Variants in VPS37A observed in about 807,000 individuals in gnomAD.
VPS37A encodes the protein VPS37A subunit of ESCRT-I, also known as vacuolar protein sorting-associated protein 37A.
Under a neutral mutation model 49.8 loss-of-function variants are expected in VPS37A, and 30 were observed. That is an observed-to-expected ratio of 0.60 (90% CI 0.45 to 0.82). The LOEUF is 0.82. VPS37A is among the 40% of genes least tolerant of loss of function. VPS37A has a pLI of 0.00. For synonymous variants in VPS37A, 195 were observed against 160.6 expected, an observed-to-expected ratio of 1.21 and a Z score of -1.62; for missense variants, 593 against 464.4, an observed-to-expected ratio of 1.28 and a Z score of -2.55.
At chr8:17,293,534 G>C (rs563841827) in intron 11 of VPS37A, among the ~76,000 whole-genome samples, 1 of 151,996 alleles carries the variant, frequency 6.6e-6, no homozygotes, top group East Asian at 1.9e-4. Flanking sequence ...AGGAGAAGAG[G>C]CTTTCTGGTT....
At chr8:17,321,995 G>C in the VPS37A span, among the ~76,000 whole-genome samples, 1 of 151,116 alleles carries the variant, frequency 6.6e-6, no homozygotes. Context: ...CTATGCAATT[G>C]CTGGTGGGGT....
downstream of VPS37A, chr8:17,302,553 A>G (rs2150461763): frequency 3.3e-6 from 1 of 302,116 alleles, no homozygotes; most frequent in Admixed American, 5.0e-5. Context: ...AAAATAGTAC[A>G]TGTAACCATT....
At chr8:17,256,290 A>ATTTTTTTTTTTTTTTTTTTTTTTTTT (rs529736602) in intron 1 of VPS37A, among the ~76,000 whole-genome samples, 1 of 60,388 alleles carries the variant, frequency 1.7e-5, no homozygotes, top group African/African-American at 7.3e-5. Flanking sequence ...GGGTAAAATG[A>ATTTTTTTTTTTTTTTTTTTTTTTTTT]TTTTTTTTTT....
chr8:17,279,078 A>T (rs530606135), intron 6 of VPS37A, among the ~76,000 whole-genome samples: 1 of 152,234 alleles, frequency 6.6e-6, no homozygotes, highest in East Asian at 1.9e-4. Flanking sequence ...ATACATAAAC[A>T]CACATAAACA....
chr8:17,326,727 G>C, the VPS37A span, among the ~76,000 whole-genome samples: 11 of 152,190 alleles, frequency 7.2e-5, no homozygotes, highest in Admixed American at 7.2e-4. Flanking sequence ...TAAGTGCTTG[G>C]AAGTAGGTTC....
chr8:17,252,436 C>T (rs1162510471), intron 1 of VPS37A, among the ~76,000 whole-genome samples: 3 of 152,170 alleles, frequency 2.0e-5, no homozygotes, highest in Admixed American at 2.0e-4. Context: ...GCTTGGCCTC[C>T]CAAAGTGCTA....
the VPS37A span, among the ~76,000 whole-genome samples, chr8:17,320,757 G>T: frequency 6.6e-6 from 1 of 152,156 alleles, no homozygotes; most frequent in Non-Finnish European, 1.5e-5. Context: ...CCAAGCATCA[G>T]GCTCACTTCT....
intron 4 of VPS37A, among the ~76,000 whole-genome samples, chr8:17,270,817 T>C (rs1343152111): frequency 6.6e-6 from 1 of 152,192 alleles, no homozygotes; most frequent in African/African-American, 2.4e-5. Flanking sequence ...GCAGAGTTCA[T>C]CATATTGTAG....
chr8:17,307,362 C>T (rs1272201978), downstream of VPS37A, among the ~76,000 whole-genome samples: 16 of 152,076 alleles, frequency 1.1e-4, no homozygotes, highest in African/African-American at 2.2e-4. Flanking sequence ...GTTAGAATGG[C>T]GATCATTAAA....
chr8:17,258,134 G>C (rs1369411392), intron 1 of VPS37A, among the ~76,000 whole-genome samples: 6 of 151,972 alleles, frequency 3.9e-5, no homozygotes, highest in African/African-American at 1.4e-4. Flanking sequence ...TTTAGATGCT[G>C]TTTATTTCTA....
intron 10 of VPS37A, 99 bp from the exon 11 acceptor site, chr8:17,286,248 A>T: frequency 1.1e-6 from 1 of 900,170 alleles, no homozygotes; most frequent in Non-Finnish European, 1.7e-6. Flanking sequence ...ACATAAAATA[A>T]TGCCAACAAG....
chr8:17,321,521 C>T, the VPS37A span, among the ~76,000 whole-genome samples: 1 of 152,148 alleles, frequency 6.6e-6, no homozygotes, highest in South Asian at 2.1e-4. Flanking sequence ...GTGTGAAAAG[C>T]AAAGAGGTCT....
chr8:17,262,661 A>G (rs1288599100), intron 1 of VPS37A, among the ~76,000 whole-genome samples: 2 of 152,018 alleles, frequency 1.3e-5, no homozygotes, highest in African/African-American at 4.8e-5. Context: ...ATGTTTATCA[A>G]AGTGTGGTTT....
In VPS37A at chr8:17,270,840, G is replaced by A. The variant is rs1813910478; in HGVS notation, c.416+1884G>A. 2.0e-5 allele frequency among the ~76,000 whole-genome samples: 3 copies of A among 152,126 alleles called. No individual in the cohort carries two copies. In the South Asian group the frequency reaches 6.2e-4, roughly 31 times the overall value. ...CATCATATTGTAGAATCAGGCTTGT[G>A]TTCTTTCATCTAAATCAGATTCAAG... On this transcript the variant is annotated intron_variant, in intron 4 of 11. Coordinates refer to ENST00000324849, the MANE Select transcript of VPS37A (RefSeq NM_152415.3).
intron 1 of VPS37A, among the ~76,000 whole-genome samples, chr8:17,249,413 T>TA (rs1811765494): frequency 6.6e-6 from 1 of 152,232 alleles, no homozygotes; most frequent in Non-Finnish European, 1.5e-5. Flanking sequence ...TTACATTAGA[T>TA]AATGTAATTT....
At chr8:17,262,569 A>G (rs921637858) in intron 1 of VPS37A, among the ~76,000 whole-genome samples, 1 of 141,160 alleles carries the variant, frequency 7.1e-6, no homozygotes, top group Admixed American at 7.2e-5. Context: ...TATTACTTTA[A>G]AGTATGTGTG....
chr8:17,294,847 G>C (rs1172753359), intron 11 of VPS37A, 140 bp from the exon 12 acceptor site: 1 of 152,248 alleles, frequency 6.6e-6, no homozygotes, highest in Non-Finnish European at 1.5e-5. Context: ...GTCTCCCTGG[G>C]AGCTGCAGAC....
chr8:17,250,076 A>G (rs1044268181), intron 1 of VPS37A, among the ~76,000 whole-genome samples: 2 of 152,196 alleles, frequency 1.3e-5, no homozygotes, highest in African/African-American at 4.8e-5. Context: ...TCAGGGCGGA[A>G]GGGAAAGTGA....
chr8:17,294,225 A>G (rs1468191284), intron 11 of VPS37A, among the ~76,000 whole-genome samples: 5 of 152,098 alleles, frequency 3.3e-5, no homozygotes, highest in Admixed American at 1.3e-4. Flanking sequence ...GCCCAGTCCA[A>G]ACTTCCCGGA....
Sources: gnomAD v4.1 joint callset for allele counts (sites outside exome capture counted in the v4.1 genomes callset) on GRCh38, gnomAD v4.1.1 for gene constraint, MANE v1.5 for transcripts, NCBI Gene and HGNC (gene_info 2026-07-23, HGNC 2026-07-21) for gene names.